The following SLC35E4 variants were observed in gnomAD, a reference collection of about 807,000 sequenced individuals.
SLC35E4 encodes solute carrier family 35 member E4, also known as solute carrier family 35, member E4.
SLC35E4 carries 15 observed loss-of-function variants against 19.3 expected under a neutral mutation model. That is an observed-to-expected ratio of 0.78 (90% CI 0.52 to 1.20). The LOEUF (loss-of-function observed/expected upper bound fraction) is 1.20, where lower values mean the gene tolerates loss of function less well. Among genes scored for constraint, SLC35E4 ranks in the 50% most tolerant of loss-of-function variants. SLC35E4 has a pLI of 0.00. For missense variants in SLC35E4, 406 were observed against 472.3 expected (o/e 0.86, Z 1.30); for synonymous variants, 219 against 219.9 (o/e 1.00, Z 0.04).
At chr22:30,647,962 A>G (rs35765517), downstream of SLC35E4, 10,742 of 152,178 alleles carry the variant, frequency 0.071, 480 homozygotes, top group Middle Eastern at 0.11. Flanking sequence ...CACAGAAACT[A>G]GGACATCCTC....
At chr22:30,662,206 A>G (rs9606761) in exon 3 of SLC35E4, 11,459 of 152,282 alleles carry the variant, frequency 0.075, 653 homozygotes, top group East Asian at 0.26. Flanking sequence ...TGCGCTAAGC[A>G]CACACCATGT....
At chr22:30,656,041 T>A (rs1055900475) in intron 2 of SLC35E4, among the ~76,000 whole-genome samples, 2 of 151,922 alleles carry the variant, frequency 1.3e-5, no homozygotes, top group African/African-American at 4.8e-5. Context: ...GGTGCCATCA[T>A]AGTTGACTGC....
chr22:30,651,421 ATATATATTTTTTTTTTTTTT>A (rs1368129404), downstream of SLC35E4, among the ~76,000 whole-genome samples: 72 of 53,216 alleles, frequency 1.4e-3, no homozygotes, highest in South Asian at 2.7e-3. Flanking sequence ...ATATATATAT[ATATATATTTTTTTTTTTTTT>A]TTTTTTTTTT....
At chr22:30,663,941 C>T (rs1300569434), downstream of SLC35E4, 10 of 1,614,028 alleles carry the variant, frequency 6.2e-6, no homozygotes, top group African/African-American at 2.7e-5. Context: ...TGGTTATCTG[C>T]GAGAGGCCGC....
chr22:30,659,382 C>CT (rs755290014), intron 2 of SLC35E4, among the ~76,000 whole-genome samples: 8 of 151,880 alleles, frequency 5.3e-5, no homozygotes, highest in Middle Eastern at 3.4e-3. Flanking sequence ...TTTTTTCTCT[C>CT]TTTTTTTTGA....
chr22:30,661,177 G>T (rs373586186), intron 2 of SLC35E4, among the ~76,000 whole-genome samples: 1 of 151,532 alleles, frequency 6.6e-6, no homozygotes, highest in Admixed American at 6.6e-5. Context: ...TGAGCAATTG[G>T]AAAAAAAATC....
At chr22:30,640,134 C>G (rs951210655) in intron 1 of SLC35E4, among the ~76,000 whole-genome samples, 1 of 152,120 alleles carries the variant, frequency 6.6e-6, no homozygotes, top group Non-Finnish European at 1.5e-5. Context: ...CCTGACTTCC[C>G]GCAACAGAGG....
At position 30,646,619 on chromosome 22, in the gene SLC35E4, G is replaced by C; in HGVS notation, c.641G>C (p.Arg214Thr). ...VQQSALLQEE[R>T]LDAVTLLYAT... ...GCAGGTGCCCTGCTGCAGGAGGAGA[G>C]GCTGGACGCGGTGACCCTGCTTTAC... Residue 214 changes from arginine (R) to threonine (T), a missense_variant, in exon 2 of 2, where the codon AGG (arginine) becomes ACG (threonine). Physicochemically the swap from Arg to Thr is moderately conservative, Grantham distance 71. Transcript: ENST00000343605. 1.2e-6 allele frequency: 2 copies of C among 1,604,332 alleles called. No individual in the cohort carries two copies. The highest frequency in any genetic ancestry group is 1.7e-6 in the Non-Finnish European group (2 of 1,174,276).
chr22:30,649,024 T>C, downstream of SLC35E4: 1 of 604,306 alleles, frequency 1.7e-6, no homozygotes, highest in Non-Finnish European at 3.0e-6. Flanking sequence ...CCTTGGCTCT[T>C]GTAACACCTA....
At chr22:30,644,812 G>T (rs183850227) in intron 1 of SLC35E4, among the ~76,000 whole-genome samples, 1 of 151,982 alleles carries the variant, frequency 6.6e-6, no homozygotes, top group Non-Finnish European at 1.5e-5. Context: ...ATGTCATTTC[G>T]CCTGGGCACC....
At chr22:30,645,451 C>T (rs1267342885) in intron 1 of SLC35E4, among the ~76,000 whole-genome samples, 1 of 152,036 alleles carries the variant, frequency 6.6e-6, no homozygotes, top group Non-Finnish European at 1.5e-5. Context: ...AAAAATTAGC[C>T]AGTTGTGGTG....
intron 1 of SLC35E4, among the ~76,000 whole-genome samples, chr22:30,642,312 T>C (rs2088055715): frequency 6.6e-6 from 1 of 151,780 alleles, no homozygotes; most frequent in Admixed American, 6.6e-5. Context: ...CAGCCTGAGA[T>C]AGGTTTTGAA....
In SLC35E4 at chr22:30,636,593, G is replaced by A. The variant is rs747807094; in HGVS notation, c.143G>A (p.Arg48Gln). ...PQALRQPGRA[R>Q]VAMAALVWLL... Reference sequence around the variant, plus strand: ...GCCCTCCGGCAGCCTGGCCGGGCCCGAGTGGCCATGGCAGCACTGGTGTGG... The same window carrying A: ...GCCCTCCGGCAGCCTGGCCGGGCCCAAGTGGCCATGGCAGCACTGGTGTGG... Residue 48 changes from arginine (R) to glutamine (Q), a missense_variant, in exon 1 of 2, where the codon CGA becomes CAA. Arg to Gln is a conservative substitution (Grantham distance 43, BLOSUM62 1). Transcript: ENST00000343605. 4.4e-6 allele frequency: 7 copies of A among 1,604,608 alleles called. No individual in the cohort carries two copies. The highest frequency in any genetic ancestry group is 6.0e-6 in the Non-Finnish European group (7 of 1,175,882).
chr22:30,642,985 G>A (rs1214939668), intron 1 of SLC35E4, among the ~76,000 whole-genome samples: 6 of 150,948 alleles, frequency 4.0e-5, no homozygotes, highest in Admixed American at 6.6e-5. Flanking sequence ...AGCCCAGATA[G>A]CGCTACTACA....
At chr22:30,645,441 A>G (rs895451443) in intron 1 of SLC35E4, among the ~76,000 whole-genome samples, 1 of 152,056 alleles carries the variant, frequency 6.6e-6, no homozygotes, top group Admixed American at 6.6e-5. Context: ...CTAAAAATAC[A>G]AAAATTAGCC....
chr22:30,665,536 G>A (rs564254292), downstream of SLC35E4: 3 of 471,022 alleles, frequency 6.4e-6, no homozygotes, highest in African/African-American at 2.0e-5. Context: ...GAAGTCTGAG[G>A]AGCCTTAAGA....
At position 30,646,857 on chromosome 22, in the gene SLC35E4, G is replaced by A; in HGVS notation, c.879G>A (p.Val293=). ...TVHVLGNLTV[V]GNLILSRLLF... is the part of the protein sequence containing the mutation. ...ACGTCCTGGGCAACCTCACCGTGGT[G>A]GGCAACCTCATCCTGTCCCGGCTGT... is the stretch of plus-strand genomic sequence containing the variant. The change falls in exon 2 of 2, where the codon GTG becomes GTA. Residue 293 remains valine, a synonymous_variant. Transcript: ENST00000343605. The A allele has an allele frequency of 6.2e-7, 1 of 1,614,228 alleles. No individual in the cohort carries two copies. The highest frequency in any genetic ancestry group is 8.5e-7 in the Non-Finnish European group (1 of 1,180,040).
chr22:30,647,108 G>A lies in SLC35E4; in HGVS notation c.*77G>A. 6.8e-7 allele frequency: 1 copy of A among 1,475,364 alleles called. No individual in the cohort carries two copies. Among genetic ancestry groups the A allele is most frequent in the Non-Finnish European group, 9.0e-7 (1 of 1,110,278 alleles). The allele number at this position is 1,475,364 out of a possible 1,614,324, so 91.4% of individuals were successfully genotyped here. ...CTCCGCTGTGGCCATAGAAGGAATG[G>A]AGAACAGGGCTGGGCATGGTGGCTC... On this transcript the variant is annotated 3_prime_UTR_variant, in exon 2 of 2. Coordinates refer to ENST00000343605, the MANE Select transcript of SLC35E4 (RefSeq NM_001001479.4).
At chr22:30,638,394 C>T (rs1053843986) in intron 1 of SLC35E4, among the ~76,000 whole-genome samples, 4 of 148,020 alleles carry the variant, frequency 2.7e-5, no homozygotes, top group Admixed American at 2.1e-4. Context: ...CCCAGCTACT[C>T]GGGAGGCTGA....
Sources: allele counts gnomAD v4.1 joint callset (sites outside exome capture counted in the v4.1 genomes callset), GRCh38; gene constraint gnomAD v4.1.1; transcripts MANE v1.5; gene names NCBI Gene and HGNC (gene_info 2026-07-23, HGNC 2026-07-21).